SUN5: variants seen among roughly 807,000 people sequenced by gnomAD.
SUN5 encodes the protein SUN domain-containing protein 5.
A neutral mutation model predicts 53.7 loss-of-function variants in SUN5; 44 were observed. The ratio of observed to expected loss-of-function variants is 0.82; its 90% confidence interval spans 0.64 to 1.05. The LOEUF (loss-of-function observed/expected upper bound fraction) is 1.05. SUN5 is among the 50% of genes least tolerant of loss of function. SUN5 has a pLI of 0.00. For missense variants in SUN5, 433 were observed against 483.8 expected (o/e 0.90, Z 0.98); for synonymous variants, 166 against 179.8 (o/e 0.92, Z 0.62).
chr20:33,003,218 G>A (rs1990101655), intron 1 of SUN5, among the ~76,000 whole-genome samples: 1 of 152,158 alleles, frequency 6.6e-6, no homozygotes. Context: ...AGGCCATTTT[G>A]ATTGGTCGAA....
rs757056156 is a variant in SUN5 at position 32,995,740 on chromosome 20, G to T, written c.426-13C>A. ...CTCCTGGTACAACCTTATCAGGAAGGAGTGATAACAAGAACAGGTTGATTT... is the reference window on the plus strand; with the variant it reads ...CTCCTGGTACAACCTTATCAGGAAGTAGTGATAACAAGAACAGGTTGATTT... On this transcript the variant is annotated splice_polypyrimidine_tract_variant and intron_variant, in intron 7 of 12. Coordinates refer to ENST00000356173, the MANE Select transcript of SUN5 (RefSeq NM_080675.4). 2 of 1,608,452 alleles carry T rather than the reference G, an allele frequency of 1.2e-6. No homozygotes were observed. The highest frequency in any genetic ancestry group is 1.7e-6 in the Non-Finnish European group (2 of 1,174,918).
Position 33,004,263 on chromosome 20 carries a change from C to T in SUN5, c.77+1G>A. On this transcript the variant is annotated splice_donor_variant, in intron 1 of 12. Coordinates refer to ENST00000356173, the MANE Select transcript of SUN5 (RefSeq NM_080675.4). LOFTEE classifies it high-confidence loss of function. ...GCAAAGGGAGGGGCTGCCATCCTCA[C>T]CTCCGGGGTCTGGGATTGTGGGCCA... is the stretch of plus-strand genomic sequence containing the variant. The T allele has an allele frequency of 6.4e-7, 1 of 1,567,406 alleles. No homozygotes were observed. Among genetic ancestry groups the T allele is most frequent in the Non-Finnish European group, 8.7e-7 (1 of 1,155,262 alleles).
At chr20:32,996,205 G>T in intron 7 of SUN5, 119 bp downstream of exon 7, 1 of 1,002,576 alleles carries the variant, frequency 1.0e-6, no homozygotes, top group East Asian at 2.5e-5. Flanking sequence ...ATGGGAGTTA[G>T]GATTTAAACC....
chr20:33,001,519 C>CTTTCTTTTCTTTCTTTCTTTCT (rs68051515), intron 3 of SUN5, among the ~76,000 whole-genome samples: 15 of 121,320 alleles, frequency 1.2e-4, no homozygotes, highest in South Asian at 2.5e-4. Flanking sequence ...TTCTTTCTTT[C>CTTTCTTTTCTTTCTTTCTTTCT]TTCTTTCTTT....
intron 7 of SUN5, 79 bp downstream of exon 7, chr20:32,996,245 T>G: frequency 6.9e-7 from 1 of 1,448,262 alleles, no homozygotes; most frequent in Non-Finnish European, 9.6e-7. Context: ...AGCCTATATT[T>G]GTAGCCAATA....
rs1404512752 is a variant in SUN5 at position 32,996,363 on chromosome 20, T to G, written c.391-5A>C. ...TGGACCATTTATGCTGTCATCCTGG[T>G]GGAGTATTGAGAAAGTAAGGGGTCT... On this transcript the variant is annotated splice_region_variant and splice_polypyrimidine_tract_variant and intron_variant, in intron 6 of 12. Transcript: ENST00000356173. 6.2e-7 allele frequency: 1 copy of G among 1,613,016 alleles called. No homozygotes were observed. The highest frequency in any genetic ancestry group is 8.5e-7 in the Non-Finnish European group (1 of 1,179,308).
intron 8 of SUN5, among the ~76,000 whole-genome samples, chr20:32,994,198 G>T (rs982705136): frequency 2.0e-5 from 3 of 152,186 alleles, no homozygotes; most frequent in African/African-American, 7.2e-5. Context: ...TGTGATCCAG[G>T]TCTGTCTGAA....
At chr20:32,997,433 A>G (rs1989881393) in intron 6 of SUN5, among the ~76,000 whole-genome samples, 1 of 152,072 alleles carries the variant, frequency 6.6e-6, no homozygotes, top group Non-Finnish European at 1.5e-5. Flanking sequence ...AGGAGGGACT[A>G]TTGCATCCAA....
Position 32,985,748 on chromosome 20 carries a change from G to T in SUN5, c.885C>A (p.Asp295Glu). 1 of 1,614,008 alleles carries T rather than the reference G, an allele frequency of 6.2e-7. No individual in the cohort carries two copies. Among genetic ancestry groups the T allele is most frequent in the Non-Finnish European group, 8.5e-7 (1 of 1,179,940 alleles). Residue 295 changes from aspartate to glutamate, a missense_variant, in exon 11 of 13, where the codon GAC becomes GAA. By Grantham distance (45) the Asp-to-Glu change is conservative. Transcript: ENST00000356173. ...LSGSLDTAPK[D>E]FVIYGMEGSP... ...GGGGAGTGCTCACATAGATGACGAA[G>T]TCCTTGGGGGCGGTGTCCAGGCTGC... is the stretch of plus-strand genomic sequence containing the variant.
At chr20:32,996,406 C>G (rs1036934256) in intron 6 of SUN5, 48 bp from the exon 7 acceptor site, 13 of 1,566,112 alleles carry the variant, frequency 8.3e-6, no homozygotes, top group East Asian at 2.3e-5. Context: ...ATGGCTTAAT[C>G]TGGCCCCAGG....
rs142172157 is a variant in SUN5, at chr20:32,985,184, C to T, written c.899G>A (p.Gly300Asp). The T allele has an allele frequency of 4.3e-6, 7 of 1,613,844 alleles. No homozygotes were observed. Among genetic ancestry groups the T allele is most frequent in the Non-Finnish European group, 5.9e-6 (7 of 1,179,894 alleles). Residue 300 changes from glycine to aspartate, a missense_variant and splice_region_variant, in exon 12 of 13, where the codon GGC becomes GAC. Transcript: ENST00000356173. ...CTCCTCCTTGGGGGAGCCCTCCATG[C>T]CCTGTGGAACCAGAACCAAGGTGAA... is the stretch of plus-strand genomic sequence containing the variant. ...DTAPKDFVIY[G>D]MEGSPKEEVF... is the part of the protein sequence containing the mutation.
intron 8 of SUN5, among the ~76,000 whole-genome samples, chr20:32,993,618 T>A (rs1297993663): frequency 6.6e-6 from 1 of 152,140 alleles, no homozygotes; most frequent in Admixed American, 6.5e-5. Flanking sequence ...AAACTTCATA[T>A]CTTCACAGTG....
chr20:32,989,645 C>G lies in SUN5; in HGVS notation c.588G>C (p.Lys196Asn). 1 of 1,614,054 alleles carries G rather than the reference C, an allele frequency of 6.2e-7. No homozygotes were observed. The highest frequency in any genetic ancestry group is 8.5e-7 in the Non-Finnish European group (1 of 1,180,008). The change falls in exon 9 of 13, where the codon AAG (lysine) becomes AAC (asparagine). Residue 196 changes from lysine to asparagine, a missense_variant. Lys to Asn is a moderately conservative substitution (Grantham distance 94, BLOSUM62 0). Transcript: ENST00000356173. Reference sequence around the variant, plus strand: ...CTATAGACTTCAGGGCAAAGTCTGGCTTTTCGATGTAATCTCCGTGTATCA... The same window carrying G: ...CTATAGACTTCAGGGCAAAGTCTGGGTTTTCGATGTAATCTCCGTGTATCA... Reference protein sequence around the residue: ...MKMIHGDYIEKPDFALKSIGA... With the variant: ...MKMIHGDYIENPDFALKSIGA...
intron 10 of SUN5, among the ~76,000 whole-genome samples, chr20:32,986,863 C>A (rs773766819): frequency 6.6e-6 from 1 of 152,182 alleles, no homozygotes; most frequent in Non-Finnish European, 1.5e-5. Context: ...CTGTGCTTGG[C>A]CTGTGCCCCT....
At chr20:32,989,132 A>G (rs1989632445) in intron 9 of SUN5, among the ~76,000 whole-genome samples, 3 of 151,582 alleles carry the variant, frequency 2.0e-5, no homozygotes, top group Admixed American at 1.3e-4. Context: ...TCACCGTGTT[A>G]GCCAGGATGG....
intron 10 of SUN5, among the ~76,000 whole-genome samples, chr20:32,986,683 G>A (rs985429489): frequency 7.2e-5 from 11 of 152,184 alleles, no homozygotes; most frequent in Admixed American, 7.2e-4. Context: ...GACCTGGAGA[G>A]CTCAGTCAGG....
Position 32,996,370 on chromosome 20 carries a change from T to C in SUN5, c.391-12A>G, listed in dbSNP as rs760380851. On this transcript the variant is annotated splice_polypyrimidine_tract_variant and intron_variant, in intron 6 of 12. Coordinates refer to ENST00000356173, the MANE Select transcript of SUN5 (RefSeq NM_080675.4). ...TTTATGCTGTCATCCTGGTGGAGTA[T>C]TGAGAAAGTAAGGGGTCTCCTTCAG... The C allele has an allele frequency of 6.2e-7, 1 of 1,612,662 alleles. No homozygotes were observed. Among genetic ancestry groups the C allele is most frequent in the South Asian group, 1.1e-5 (1 of 90,846 alleles).
In SUN5 at chr20:32,983,940, C is replaced by T. The variant is rs1380834890; in HGVS notation, c.994G>A (p.Ala332Thr). The T allele has an allele frequency of 1.9e-6, 3 of 1,583,660 alleles. No individual in the cohort carries two copies. Among genetic ancestry groups the T allele is most frequent in the Non-Finnish European group, 2.6e-6 (3 of 1,165,030 alleles). ...ACCTTGACCGCACTGAAAGCCCGGG[C>T]CGGCTGGTTCTGGAAGAGAATCAGT... ...IQMFPLQNQP[A>T]RAFSAVKVKI... The change falls in exon 13 of 13, where the codon GCC becomes ACC. Residue 332 changes from alanine (A) to threonine (T), a missense_variant. Coordinates refer to ENST00000356173, the MANE Select transcript of SUN5 (RefSeq NM_080675.4).
chr20:32,995,523 G>T, intron 8 of SUN5, 96 bp downstream of exon 8: 2 of 1,027,092 alleles, frequency 1.9e-6, no homozygotes, highest in Non-Finnish European at 3.0e-6. Context: ...CCCTCAAAAT[G>T]AGAGATAAAA....
Sources: allele counts gnomAD v4.1 joint callset (sites outside exome capture counted in the v4.1 genomes callset), GRCh38; gene constraint gnomAD v4.1.1; transcripts MANE v1.5; gene names NCBI Gene and HGNC (gene_info 2026-07-23, HGNC 2026-07-21).